UBE4A: variants seen among roughly 807,000 people sequenced by gnomAD.
UBE4A encodes ubiquitination factor E4A.
A neutral mutation model predicts 117.9 loss-of-function variants in UBE4A; 48 were observed. That is an observed-to-expected ratio of 0.41 (90% CI 0.32 to 0.52). The LOEUF is 0.52. Among genes scored for constraint, UBE4A ranks in the 20% least tolerant of loss-of-function variants. UBE4A has a pLI of 0.33. For synonymous variants in UBE4A, 407 were observed against 450.0 expected, an observed-to-expected ratio of 0.90 and a Z score of 1.21; for missense variants, 1,067 against 1,296.3, an observed-to-expected ratio of 0.82 and a Z score of 2.72.
At position 118,396,350 on chromosome 11, in the gene UBE4A, C is replaced by G; in HGVS notation, c.3111C>G (p.Thr1037=). Residue 1037 remains threonine, a synonymous_variant, in exon 20 of 20, where the codon ACC becomes ACG. Transcript: ENST00000252108. The part of the protein sequence containing the change: ...QTDPFNRSPL[T]MDQIRPNTEL... The stretch of plus-strand genomic sequence containing the variant: ...ATCCCTTTAACCGTAGTCCCCTCAC[C>G]ATGGACCAGATCCGGCCAAACACAG... The G allele has an allele frequency of 6.2e-7, 1 of 1,613,772 alleles. No homozygotes were observed. The highest frequency in any genetic ancestry group is 1.1e-5 in the South Asian group (1 of 91,050).
chr11:118,372,478 A>T, intron 5 of UBE4A, 29 bp from the exon 6 acceptor site: 1 of 1,592,756 alleles, frequency 6.3e-7, no homozygotes, highest in Non-Finnish European at 8.5e-7. Context: ...GAGTTAGACT[A>T]TTCCCTCTTT....
intron 4 of UBE4A, among the ~76,000 whole-genome samples, chr11:118,370,303 C>T (rs561904117): frequency 6.6e-6 from 1 of 152,144 alleles, no homozygotes; most frequent in South Asian, 2.1e-4. Context: ...TATATCCTTT[C>T]TATCTTAGTC....
chr11:118,394,377 G>A (rs1948848882), intron 19 of UBE4A, among the ~76,000 whole-genome samples: 3 of 152,084 alleles, frequency 2.0e-5, no homozygotes, highest in Non-Finnish European at 2.9e-5. Context: ...ACCCAGGCCA[G>A]TCTCAAACTC....
At chr11:118,390,586 C>T in intron 17 of UBE4A, 71 bp from the exon 18 acceptor site, 2 of 1,299,630 alleles carry the variant, frequency 1.5e-6, no homozygotes, top group Middle Eastern at 2.1e-4. Context: ...GCTTGTTCTG[C>T]AGCCTACCTA....
intron 8 of UBE4A, among the ~76,000 whole-genome samples, chr11:118,374,448 C>T (rs539086428): frequency 1.3e-5 from 2 of 152,348 alleles, no homozygotes; most frequent in African/African-American, 4.8e-5. Context: ...TTACAACTCT[C>T]TAAGGCAAGG....
In UBE4A at chr11:118,392,756, C is replaced by A. The variant is rs1555128801; in HGVS notation, c.2935C>A (p.Gln979Lys). 1 of 1,613,982 alleles carries A rather than the reference C, an allele frequency of 6.2e-7. No homozygotes were observed. Among genetic ancestry groups the A allele is most frequent in the Non-Finnish European group, 8.5e-7 (1 of 1,179,946 alleles). ...TACTCAGTCTCTTGCAGACCTCCAA[C>A]AACAGGAAGAGGAAACCTATGCAGA... ...ERIKSLADLQ[Q>K]QEEETYADAC... The change falls in exon 19 of 20, where the codon CAA becomes AAA. Residue 979 changes from glutamine to lysine, a missense_variant. Gln to Lys is a moderately conservative substitution (Grantham distance 53, BLOSUM62 1). Around this residue, in one of 3 missense-constraint regions of UBE4A, gnomAD observed 34 missense variants for 77.7 expected, o/e 0.44. Coordinates refer to ENST00000252108, the MANE Select transcript of UBE4A (RefSeq NM_001204077.2).
At chr11:118,389,634 G>A in intron 16 of UBE4A, 91 bp from the exon 17 acceptor site, 1 of 1,157,210 alleles carries the variant, frequency 8.6e-7, no homozygotes, top group Non-Finnish European at 1.1e-6. Flanking sequence ...TAAAATAACA[G>A]TAGTTCCCAG....
At chr11:118,382,919 C>A in intron 13 of UBE4A, 143 bp downstream of exon 13, 1 of 485,602 alleles carries the variant, frequency 2.1e-6, no homozygotes, top group Non-Finnish European at 3.1e-6. Context: ...ATGATAAGTG[C>A]TTTTTTTTTT....
At chr11:118,380,433 T>C (rs1448979551) in intron 11 of UBE4A, among the ~76,000 whole-genome samples, 1 of 151,722 alleles carries the variant, frequency 6.6e-6, no homozygotes, top group Non-Finnish European at 1.5e-5. Context: ...AAATAAAAAA[T>C]TAGCCAGGCA....
At chr11:118,380,136 T>TGTGTGTGTGTGTGTGC (rs1948690508) in intron 11 of UBE4A, among the ~76,000 whole-genome samples, 2 of 24,322 alleles carry the variant, frequency 8.2e-5, no homozygotes, top group Non-Finnish European at 1.4e-4. Flanking sequence ...TGTGTGTGCG[T>TGTGTGTGTGTGTGTGC]GTGTGTGTGT....
chr11:118,372,051 G>A (rs986502947), intron 5 of UBE4A, among the ~76,000 whole-genome samples: 2 of 152,168 alleles, frequency 1.3e-5, no homozygotes, highest in African/African-American at 4.8e-5. Flanking sequence ...CATGAGGCCA[G>A]GAGTTCGAGA....
At chr11:118,393,589 G>A (rs1555129002) in intron 19 of UBE4A, among the ~76,000 whole-genome samples, 1 of 150,248 alleles carries the variant, frequency 6.7e-6, no homozygotes, top group Non-Finnish European at 1.5e-5. Context: ...GTGAGCCACT[G>A]TGCCTGGCCT....
intron 16 of UBE4A, among the ~76,000 whole-genome samples, chr11:118,389,388 T>C (rs1012642316): frequency 6.6e-6 from 1 of 152,208 alleles, no homozygotes; most frequent in East Asian, 1.9e-4. Context: ...TTTCAGAATA[T>C]GTAAAATATG....
chr11:118,396,397 G>T lies in UBE4A; in HGVS notation c.3158G>T (p.Arg1053Leu). The T allele has an allele frequency of 1.2e-6, 2 of 1,613,802 alleles. No individual in the cohort carries two copies. The highest frequency in any genetic ancestry group is 1.7e-5 in the Admixed American group (1 of 59,988). ...ACAGAACTAAAAGAAAAAATCCAAC[G>T]GTGGCTTGCAGAGAGGAAACAACAA... ...PNTELKEKIQ[R>L]WLAERKQQKE... The change falls in exon 20 of 20, where the codon CGG (arginine) becomes CTG (leucine). Residue 1053 changes from arginine (R) to leucine (L), a missense_variant. By Grantham distance (102) the Arg-to-Leu change is moderately radical. This residue lies in a region of UBE4A where 32 missense variants were observed against 34.5 expected (regional missense o/e 0.93). Coordinates refer to ENST00000252108, the MANE Select transcript of UBE4A (RefSeq NM_001204077.2).
chr11:118,385,847 AG>A (rs1477119631), intron 15 of UBE4A, among the ~76,000 whole-genome samples: 1 of 152,250 alleles, frequency 6.6e-6, no homozygotes, highest in Non-Finnish European at 1.5e-5. Context: ...AAGCGAGAAT[AG>A]GTCCTGTTAC....
Position 118,382,891 on chromosome 11 carries a change from T to C in UBE4A, c.2197+115T>C, listed in dbSNP as rs1591303470. ...GTCAAGCCATTACTTATTGAATACC[T>C]ACTATATGCCAGGCTTGATGATAAG... On this transcript the variant is annotated intron_variant, in intron 13 of 19. Coordinates refer to ENST00000252108, the MANE Select transcript of UBE4A (RefSeq NM_001204077.2). 1.3e-5 allele frequency: 12 copies of C among 955,830 alleles called. No individual in the cohort carries two copies. The East Asian group carries it at 3.6e-4, about 29-fold the overall frequency. 59.2% of individuals were successfully genotyped at this position (955,830 alleles called of 1,614,324 possible).
At chr11:118,361,486 G>C (rs1283506966) in intron 1 of UBE4A, among the ~76,000 whole-genome samples, 2 of 152,118 alleles carry the variant, frequency 1.3e-5, no homozygotes. Context: ...TTCTCATCAA[G>C]TGATCAGTCC....
Position 118,369,487 on chromosome 11 carries a change from A to C in UBE4A, c.360A>C (p.Ala120=). The C allele has an allele frequency of 6.2e-7, 1 of 1,614,204 alleles. No homozygotes were observed. The highest frequency in any genetic ancestry group is 8.5e-7 in the Non-Finnish European group (1 of 1,180,024). Residue 120 remains alanine (A), a synonymous_variant, in exon 4 of 20, where the codon GCA becomes GCC. Transcript: ENST00000252108. ...GTTGTGTGTATTTGGAAGAAATGGCAGTAGAGCTAGAAGATCAAGACTGGC... is the reference window on the plus strand; with the variant it reads ...GTTGTGTGTATTTGGAAGAAATGGCCGTAGAGCTAGAAGATCAAGACTGGC... ...PSRCVYLEEM[A]VELEDQDWLD...
intron 1 of UBE4A, among the ~76,000 whole-genome samples, chr11:118,363,501 C>T (rs1311451340): frequency 6.6e-6 from 1 of 151,904 alleles, no homozygotes; most frequent in Non-Finnish European, 1.5e-5. Context: ...GAAAAAATGG[C>T]AGAGGAGCAT....
Sources: allele counts gnomAD v4.1 joint callset (sites outside exome capture counted in the v4.1 genomes callset), GRCh38; gene constraint gnomAD v4.1.1; regional missense constraint gnomAD v4.1.1; transcripts MANE v1.5; gene names NCBI Gene and HGNC (gene_info 2026-07-23, HGNC 2026-07-21).